Variants in COL11A1 observed in about 807,000 individuals in gnomAD.
COL11A1 encodes collagen type XI alpha 1 chain.
Under a neutral mutation model 265.2 loss-of-function variants are expected in COL11A1, and 74 were observed. The ratio of observed to expected loss-of-function variants is 0.28; its 90% CI spans 0.23 to 0.34. The LOEUF (loss-of-function observed/expected upper bound fraction) is 0.34. Ranked by LOEUF, COL11A1 falls within the 10% of genes least tolerant of loss-of-function variation. COL11A1 has a pLI of 1.00. For synonymous variants in COL11A1, 816 were observed against 727.6 expected (o/e 1.12, Z -1.96); for missense variants, 2,165 against 2,263.6 (o/e 0.96, Z 0.88).
chr1:102,967,227 C>CTTTTTTTTTTTTTTTTTTTTTT lies in COL11A1; in HGVS notation c.2863-1709_2863-1688dup, dbSNP rs35303945. ...CCCACAAAACCAAACATAATAAATT[C>CTTTTTTTTTTTTTTTTTTTTTT]TTTTTTTTTTTTTTTTTTTTTTTTT... is the stretch of plus-strand genomic sequence containing the variant. On this transcript the variant is annotated intron_variant, in intron 37 of 66. Transcript: ENST00000370096. Among the ~76,000 whole-genome samples, 7 of 52,754 alleles carry CTTTTTTTTTTTTTTTTTTTTTT rather than the reference C, an allele frequency of 1.3e-4. 3 individuals are homozygous for CTTTTTTTTTTTTTTTTTTTTTT. Among genetic ancestry groups the CTTTTTTTTTTTTTTTTTTTTTT allele is most frequent in the Non-Finnish European group, 1.9e-4 (6 of 32,004 alleles). The allele number at this position is 52,754 out of a possible 152,430, so 34.6% of individuals were successfully genotyped here.
rs760675588 is a variant in COL11A1 at position 102,935,009 on chromosome 1, A to T, written c.3492+51T>A. 2.6e-6 allele frequency: 4 copies of T among 1,567,966 alleles called. No individual in the cohort carries two copies. The African/African-American group carries it at 5.4e-5, about 21-fold the overall frequency. On this transcript the variant is annotated intron_variant, in intron 45 of 66. Coordinates refer to ENST00000370096, the MANE Select transcript of COL11A1 (RefSeq NM_001854.4). ...TGGTTATGGGACAGTATACAAATTT[A>T]ATCAGGGAGCTGTAAGGATTTAGAT...
intron 9 of COL11A1, 71 bp downstream of exon 9, chr1:103,021,636 A>G (rs1667084553): frequency 2.1e-6 from 2 of 973,902 alleles, no homozygotes; most frequent in Non-Finnish European, 3.4e-6. Context: ...GAACATACAT[A>G]ATAATTTAAC....
chr1:102,955,393 C>T (rs750790846), intron 41 of COL11A1, among the ~76,000 whole-genome samples: 3 of 152,068 alleles, frequency 2.0e-5, no homozygotes, highest in Admixed American at 6.5e-5. Flanking sequence ...ATAGGAGTCA[C>T]AGGAAAACAG....
At chr1:103,038,362 G>T (rs1275519564) in intron 4 of COL11A1, among the ~76,000 whole-genome samples, 1 of 152,148 alleles carries the variant, frequency 6.6e-6, no homozygotes, top group African/African-American at 2.4e-5. Context: ...CTACTTGGGA[G>T]GCTGAGTCAG....
intron 57 of COL11A1, 71 bp from the exon 58 acceptor site, chr1:102,890,575 G>A: frequency 7.9e-7 from 1 of 1,268,670 alleles, no homozygotes. Context: ...CCTATAACTA[G>A]TCACAGACCT....
rs1433647335 is a variant in COL11A1, at chr1:102,934,547, C to T, written c.3502G>A (p.Gly1168Ser). The T allele has an allele frequency of 6.2e-7, 1 of 1,612,866 alleles. No homozygotes were observed. Reference protein sequence around the residue: ...VGAPGIAGGDGEPGPRGQQGM... With the variant: ...VGAPGIAGGDSEPGPRGQQGM... ...TGCTGTCCTCTAGGACCTGGTTCAC[C>T]ATCACCTCCCTAGAGAAGAGAAAGA... The change falls in exon 46 of 67, where the codon GGT becomes AGT. Residue 1168 changes from glycine (G) to serine (S), a missense_variant. Physicochemically the swap from Gly to Ser is moderately conservative, Grantham distance 56. Coordinates refer to ENST00000370096, the MANE Select transcript of COL11A1 (RefSeq NM_001854.4).
At position 102,886,793 on chromosome 1, in the gene COL11A1, T is replaced by C. The variant is rs2100839376; in HGVS notation, c.4858+14A>G. On this transcript the variant is annotated intron_variant, in intron 63 of 66. Transcript: ENST00000370096. ...GGCTCGGTACATTTGCTTTGTCATG[T>C]ATTATTTACATACCATCTGGGAAGT... The C allele has an allele frequency of 6.2e-7, 1 of 1,613,788 alleles. No homozygotes were observed. Among genetic ancestry groups the C allele is most frequent in the East Asian group, 2.2e-5 (1 of 44,866 alleles).
intron 43 of COL11A1, 67 bp from the exon 44 acceptor site, chr1:102,939,155 A>G: frequency 1.5e-6 from 2 of 1,360,680 alleles, no homozygotes; most frequent in African/African-American, 2.9e-5. Flanking sequence ...AATTATCATC[A>G]AACAGTTAAA....
At chr1:102,996,130 G>A (rs1570978390) in intron 26 of COL11A1, 88 bp from the exon 27 acceptor site, 3 of 1,354,840 alleles carry the variant, frequency 2.2e-6, no homozygotes, top group Non-Finnish European at 3.1e-6. Context: ...TAATCTACAA[G>A]GATATGGTTT....
chr1:102,890,525 A>T lies in COL11A1; in HGVS notation c.4303-21T>A, dbSNP rs181904530. On this transcript the variant is annotated intron_variant, in intron 57 of 66. Coordinates refer to ENST00000370096, the MANE Select transcript of COL11A1 (RefSeq NM_001854.4). ...GGTCCCTAAATAATAACAAAAAAAA[A>T]ACCCCAAAACAAAAACAGAGTAGGT... is the stretch of plus-strand genomic sequence containing the variant. 3,877 of 1,586,350 alleles carry T rather than the reference A, an allele frequency of 2.4e-3. 85 individuals are homozygous for T. The African/African-American group carries it at 0.045, about 19-fold the overall frequency.
chr1:102,932,929 G>GT (rs1657663198), intron 46 of COL11A1, among the ~76,000 whole-genome samples: 1 of 149,520 alleles, frequency 6.7e-6, no homozygotes, highest in Non-Finnish European at 1.5e-5. Flanking sequence ...TCGAGCCTTG[G>GT]TTTTCAGCTC....
At chr1:103,092,519 GAA>G (rs1673407848) in intron 1 of COL11A1, among the ~76,000 whole-genome samples, 1 of 152,090 alleles carries the variant, frequency 6.6e-6, no homozygotes, top group Non-Finnish European at 1.5e-5. Flanking sequence ...ATAGTGGAGA[GAA>G]ATGTAAACAA....
At chr1:102,889,657 TA>T (rs1489894029) in intron 58 of COL11A1, 95 bp from the exon 59 acceptor site, 1 of 894,600 alleles carries the variant, frequency 1.1e-6, no homozygotes, top group Non-Finnish European at 1.8e-6. Flanking sequence ...TTCTAAAGCA[TA>T]AAAATGAACA....
At chr1:102,933,434 A>G (rs1345427458) in intron 46 of COL11A1, among the ~76,000 whole-genome samples, 2 of 150,632 alleles carry the variant, frequency 1.3e-5, no homozygotes, top group African/African-American at 4.9e-5. Context: ...CCACTTGAGG[A>G]GGCAGTCTGC....
At chr1:103,076,361 T>C (rs150923889) in intron 3 of COL11A1, among the ~76,000 whole-genome samples, 29 of 152,164 alleles carry the variant, frequency 1.9e-4, no homozygotes, top group African/African-American at 6.0e-4. Flanking sequence ...AGCCACCTTT[T>C]AAAAATCTAA....
chr1:102,906,629 G>C (rs1040373267), intron 54 of COL11A1, among the ~76,000 whole-genome samples: 2 of 152,084 alleles, frequency 1.3e-5, no homozygotes, highest in East Asian at 1.9e-4. Flanking sequence ...CAAAGTCCTG[G>C]GCTTAAGCAA....
chr1:103,087,469 C>T (rs1381671348), intron 1 of COL11A1, among the ~76,000 whole-genome samples: 3 of 152,180 alleles, frequency 2.0e-5, no homozygotes, highest in East Asian at 1.9e-4. Flanking sequence ...ATGATTTCCA[C>T]ATTCCTTGAA....
intron 4 of COL11A1, among the ~76,000 whole-genome samples, chr1:103,051,351 C>G (rs1031441781): frequency 6.6e-6 from 1 of 152,210 alleles, no homozygotes; most frequent in Non-Finnish European, 1.5e-5. Context: ...TGATCTCAGA[C>G]TGCTGTGCTA....
At chr1:102,993,936 G>A (rs1664373710) in intron 28 of COL11A1, among the ~76,000 whole-genome samples, 1 of 152,084 alleles carries the variant, frequency 6.6e-6, no homozygotes. Context: ...AGAGCCAACT[G>A]GTACTCTGAA....
Sources: allele counts gnomAD v4.1 joint callset (sites outside exome capture counted in the v4.1 genomes callset), GRCh38; gene constraint gnomAD v4.1.1; transcripts MANE v1.5; gene names NCBI Gene and HGNC (gene_info 2026-07-23, HGNC 2026-07-21).